DOCK1: variants seen among roughly 807,000 people sequenced by gnomAD.
DOCK1 encodes dedicator of cytokinesis protein 1.
In DOCK1, 138 loss-of-function variants were observed where a neutral mutation model predicts 262.7. The ratio of observed to expected loss-of-function variants is 0.53; its 90% CI spans 0.46 to 0.61. The LOEUF (loss-of-function observed/expected upper bound fraction) is 0.61, where lower values mean the gene tolerates loss of function less well. Ranked by LOEUF, DOCK1 falls within the 20% of genes least tolerant of loss-of-function variation. The pLI is 0.00. For synonymous variants in DOCK1, 866 were observed against 867.4 expected, an observed-to-expected ratio of 1.00 and a Z score of 0.03; for missense variants, 1,908 against 2,370.7, an observed-to-expected ratio of 0.80 and a Z score of 4.05.
chr10:127,095,799 G>C (rs372036603), intron 23 of DOCK1, among the ~76,000 whole-genome samples: 1 of 152,154 alleles, frequency 6.6e-6, no homozygotes, highest in African/African-American at 2.4e-5. Context: ...CCTCATCATC[G>C]ATATGCTTCA....
chr10:127,184,962 T>C (rs2056092588), intron 27 of DOCK1, among the ~76,000 whole-genome samples: 1 of 152,138 alleles, frequency 6.6e-6, no homozygotes, highest in Non-Finnish European at 1.5e-5. Flanking sequence ...TCTTTGGCAG[T>C]GTCTAGTCCA....
chr10:127,259,577 A>G (rs2489415), intron 29 of DOCK1, among the ~76,000 whole-genome samples: 151,970 of 152,170 alleles, frequency 1, 75,885 homozygotes, highest in Middle Eastern at 1. Flanking sequence ...GCTGCTCTCC[A>G]CCTCTTGACT....
chr10:127,240,271 C>CTT (rs11377580), intron 27 of DOCK1, among the ~76,000 whole-genome samples: 28,502 of 143,484 alleles, frequency 0.2, 3,214 homozygotes, highest in South Asian at 0.44. Flanking sequence ...ATAGTTTTGG[C>CTT]TTTTTTTTTT....
intron 38 of DOCK1, chr10:127,402,640 G>A (rs1447493542): frequency 1.5e-5 from 8 of 516,984 alleles, no homozygotes; most frequent in African/African-American, 1.2e-4. Flanking sequence ...TGGGAAAAGA[G>A]CCAAGTCAGG....
In DOCK1 at chr10:127,369,462, C is replaced by G. The variant is rs1448222944; in HGVS notation, c.3433-4319C>G. Among the ~76,000 whole-genome samples, 5 of 152,178 alleles carry G rather than the reference C, an allele frequency of 3.3e-5. No homozygotes were observed. The East Asian group carries it at 9.6e-4, about 29-fold the overall frequency. On this transcript the variant is annotated intron_variant, in intron 33 of 51. Coordinates refer to ENST00000623213, the MANE Select transcript of DOCK1 (RefSeq NM_001290223.2). ...ATTGAATTTCATTCTTAAAAGCCCT[C>G]CAGCAAAGAGATTCTTCCATAATCC...
At position 127,176,165 on chromosome 10, in the gene DOCK1, G is replaced by T; in HGVS notation, c.2847+48401G>T. 1 of 1,614,102 alleles carries T rather than the reference G, an allele frequency of 6.2e-7. No individual in the cohort carries two copies. Among genetic ancestry groups the T allele is most frequent in the East Asian group, 2.2e-5 (1 of 44,842 alleles). On this transcript the variant is annotated intron_variant, in intron 27 of 51. Coordinates refer to ENST00000623213, the MANE Select transcript of DOCK1 (RefSeq NM_001290223.2). The surrounding 1 kb of genome is among the most constrained non-coding windows in gnomAD (Gnocchi z 4.4). ...TGCGGTAGGCTGCTCTGCAGGACAC[G>T]GGCTTGGCCTCCCGCTTCTCCCCCA... is the stretch of plus-strand genomic sequence containing the variant.
chr10:127,371,234 T>C (rs7895951), intron 33 of DOCK1, among the ~76,000 whole-genome samples: 116,359 of 152,246 alleles, frequency 0.76, 44,703 homozygotes, highest in African/African-American at 0.86. Flanking sequence ...TAGAGGCTAG[T>C]TGTGGATCTC....
At chr10:127,329,251 G>A (rs1236623498) in intron 29 of DOCK1, among the ~76,000 whole-genome samples, 1 of 152,148 alleles carries the variant, frequency 6.6e-6, no homozygotes, top group Admixed American at 6.5e-5. Context: ...GTGGGGCACG[G>A]TCACCCTGAC....
intron 16 of DOCK1, among the ~76,000 whole-genome samples, chr10:127,029,107 A>G (rs2043071325): frequency 6.6e-6 from 1 of 152,236 alleles, no homozygotes; most frequent in Admixed American, 6.5e-5. Flanking sequence ...TTAAGTACTC[A>G]TTATAGACAA....
rs2048789120 is a variant in DOCK1 at position 127,110,310 on chromosome 10, A to G, written c.2579A>G (p.Tyr860Cys). Residue 860 changes from tyrosine to cysteine, a missense_variant, in exon 25 of 52, where the codon TAC becomes TGC. Transcript: ENST00000623213. The part of the protein sequence containing the change: ...PMGLLTIQKL[Y>C]CLIEIVHSDL... Reference sequence around the variant, plus strand: ...GGCTTGCTGACCATCCAGAAACTCTACTGCTTGATCGAAATCGTCCACAGT... The same window carrying G: ...GGCTTGCTGACCATCCAGAAACTCTGCTGCTTGATCGAAATCGTCCACAGT... The G allele has an allele frequency of 3.1e-6, 5 of 1,613,674 alleles. No individual in the cohort carries two copies. The highest frequency in any genetic ancestry group is 3.3e-4 in the Middle Eastern group (2 of 6,062).
intron 5 of DOCK1, 124 bp downstream of exon 5, chr10:126,987,741 T>C: frequency 1.1e-6 from 1 of 932,598 alleles, no homozygotes; most frequent in Non-Finnish European, 1.6e-6. Flanking sequence ...GAGACAGAGT[T>C]TTACTCGGAA....
intron 29 of DOCK1, among the ~76,000 whole-genome samples, chr10:127,311,284 C>T (rs1373288678): frequency 2.0e-5 from 3 of 152,100 alleles, no homozygotes. Context: ...CTCATTCATC[C>T]TATAGAAGGA....
At chr10:127,254,378 G>A (rs74158643) in intron 28 of DOCK1, among the ~76,000 whole-genome samples, 3,401 of 152,070 alleles carry the variant, frequency 0.022, 109 homozygotes, top group African/African-American at 0.078. Context: ...TTATCCCCCT[G>A]TATGTTCTGC....
rs1213218333 is a variant in DOCK1, at chr10:126,987,605, G to A, written c.312G>A (p.Arg104=). The A allele has an allele frequency of 9.6e-6, 15 of 1,564,072 alleles. No homozygotes were observed. The highest frequency in any genetic ancestry group is 1.3e-5 in the Non-Finnish European group (15 of 1,153,662). ...TTLREWSTIW[R]QLYVQDNREM... Reference sequence around the variant, plus strand: ...TCCGAGAGTGGTCCACCATCTGGAGGCAGCTCTACGTGGTGAGAAAATGAG... The same window carrying A: ...TCCGAGAGTGGTCCACCATCTGGAGACAGCTCTACGTGGTGAGAAAATGAG... The change falls in exon 5 of 52, where the codon AGG becomes AGA. Residue 104 remains arginine, a synonymous_variant. Transcript: ENST00000623213.
At position 126,988,882 on chromosome 10, in the gene DOCK1, G is replaced by A. The variant is rs539213300; in HGVS notation, c.324+1265G>A. ...GAGGTGAGGAGTTTGAGACCAGCCC[G>A]GCCAACATGGTGAAACCCCGTCCCT... On this transcript the variant is annotated intron_variant, in intron 5 of 51. Transcript: ENST00000623213. Among the ~76,000 whole-genome samples, 40 of 152,136 alleles carry A rather than the reference G, an allele frequency of 2.6e-4. 1 individual carries two copies. Among genetic ancestry groups the A allele is most frequent in the African/African-American group, 8.9e-4 (37 of 41,508 alleles).
chr10:126,960,789 TATAC>T (rs1433620930), intron 1 of DOCK1, among the ~76,000 whole-genome samples: 15 of 99,472 alleles, frequency 1.5e-4, no homozygotes, highest in African/African-American at 7.7e-4. Context: ...TATATGTGTA[TATAC>T]ACACACACAC....
chr10:127,392,731 T>C (rs1165987271), intron 38 of DOCK1, among the ~76,000 whole-genome samples: 1 of 152,166 alleles, frequency 6.6e-6, no homozygotes, highest in Non-Finnish European at 1.5e-5. Flanking sequence ...CGAAAGGCCA[T>C]GCCTCCCACC....
At chr10:127,451,269 G>C in intron 51 of DOCK1, 63 bp from the exon 52 acceptor site, 1 of 1,534,758 alleles carries the variant, frequency 6.5e-7, no homozygotes, top group Middle Eastern at 2.1e-4. Context: ...CCCACCTGGA[G>C]ACGGTGTCTT....
intron 29 of DOCK1, among the ~76,000 whole-genome samples, chr10:127,320,377 G>A (rs554225152): frequency 4.6e-5 from 7 of 152,350 alleles, no homozygotes; most frequent in African/African-American, 1.7e-4. Context: ...CAGCCAAGGA[G>A]CAGTTGCGTA....
Sources: gnomAD v4.1 joint callset for allele counts (sites outside exome capture counted in the v4.1 genomes callset) on GRCh38, gnomAD v4.1.1 for gene constraint, Gnocchi (gnomAD v3.1) non-coding constraint, MANE v1.5 for transcripts, NCBI Gene and HGNC (gene_info 2026-07-23, HGNC 2026-07-21) for gene names.